CNBD1: variants seen among roughly 807,000 people sequenced by gnomAD.
The protein encoded by CNBD1 is cyclic nucleotide-binding domain-containing protein 1.
A neutral mutation model predicts 54.4 loss-of-function variants in CNBD1; 71 were observed. The ratio of observed to expected loss-of-function variants is 1.30; its 90% CI spans 1.08 to 1.59. The LOEUF (loss-of-function observed/expected upper bound fraction) is 1.59, where lower values mean the gene tolerates loss of function less well. Ranked by LOEUF, CNBD1 falls within the 40% of genes most tolerant of loss-of-function variation. CNBD1 has a pLI of 0.00. For missense variants in CNBD1, 659 were observed against 518.0 expected (o/e 1.27, Z -2.64); for synonymous variants, 182 against 170.7 (o/e 1.07, Z -0.51).
chr8:87,046,876 C>T lies in CNBD1; in HGVS notation c.431+107122C>T, dbSNP rs1810205201. On this transcript the variant is annotated intron_variant, in intron 4 of 10. Transcript: ENST00000518476. Reference sequence around the variant, plus strand: ...TCGCCCACTAGTGTGTAGGTTATTACTAGTATCAAATATCTTACAGGGGTC... The same window carrying T: ...TCGCCCACTAGTGTGTAGGTTATTATTAGTATCAAATATCTTACAGGGGTC... Among the ~76,000 whole-genome samples the T allele has an allele frequency of 2.0e-5, 3 of 152,106 alleles. No homozygotes were observed. In the South Asian group the frequency reaches 6.2e-4, roughly 32 times the overall value.
chr8:87,329,283 A>G (rs879547583), intron 8 of CNBD1, among the ~76,000 whole-genome samples: 9 of 152,110 alleles, frequency 5.9e-5, no homozygotes, highest in Non-Finnish European at 7.4e-5. Context: ...CTTTTTGTTA[A>G]TATCACATTG....
At chr8:87,143,400 A>G (rs1431756) in intron 4 of CNBD1, among the ~76,000 whole-genome samples, 83,931 of 151,944 alleles carry the variant, frequency 0.55, 24,595 homozygotes, top group African/African-American at 0.76. Flanking sequence ...AGTTCACTCA[A>G]GTCCCCTCAA....
At chr8:87,194,914 C>T (rs1339500303) in intron 4 of CNBD1, among the ~76,000 whole-genome samples, 6 of 151,878 alleles carry the variant, frequency 4.0e-5, no homozygotes, top group Non-Finnish European at 7.4e-5. Context: ...GACAGAGTCT[C>T]GCCCTGTCAT....
At chr8:86,943,580 TG>T (rs978857386) in intron 4 of CNBD1, among the ~76,000 whole-genome samples, 3 of 151,940 alleles carry the variant, frequency 2.0e-5, no homozygotes, top group African/African-American at 7.3e-5. Context: ...ATTAAAATCA[TG>T]GGGGTGGTGC....
At chr8:87,385,890 A>T (rs1048535795), downstream of CNBD1, among the ~76,000 whole-genome samples, 1 of 152,174 alleles carries the variant, frequency 6.6e-6, no homozygotes, top group Non-Finnish European at 1.5e-5. Flanking sequence ...CTGACAACTC[A>T]CATGGCCGGG....
At chr8:87,339,221 T>C (rs754276924) in intron 8 of CNBD1, among the ~76,000 whole-genome samples, 1 of 152,218 alleles carries the variant, frequency 6.6e-6, no homozygotes, top group East Asian at 1.9e-4. Context: ...TACTATCTGA[T>C]ACTTACTATA....
At chr8:86,998,211 T>TTTTTTTTTTTTAATATATATTGCTGA (rs1808918302) in intron 4 of CNBD1, among the ~76,000 whole-genome samples, 1 of 140,900 alleles carries the variant, frequency 7.1e-6, no homozygotes. Context: ...GTGTTTCTGT[T>TTTTTTTTTTTTAATATATATTGCTGA]TTTTTTTTTT....
chr8:87,304,354 G>A (rs1318415453), intron 8 of CNBD1, among the ~76,000 whole-genome samples: 1 of 152,082 alleles, frequency 6.6e-6, no homozygotes, highest in Non-Finnish European at 1.5e-5. Flanking sequence ...GATGAAGCTG[G>A]AAACCATCAT....
intron 5 of CNBD1, among the ~76,000 whole-genome samples, chr8:87,212,566 T>C (rs1211543582): frequency 2.0e-5 from 3 of 152,164 alleles, no homozygotes; most frequent in African/African-American, 7.2e-5. Context: ...TGATGGTCTA[T>C]TGGTTTTAGA....
intron 3 of CNBD1, among the ~76,000 whole-genome samples, chr8:86,908,799 T>C (rs866514226): frequency 1.3e-3 from 6 of 4,744 alleles, no homozygotes; most frequent in Non-Finnish European, 1.7e-3. Flanking sequence ...TTTTTTTTTT[T>C]TTGTGCTGAG....
At chr8:87,414,978 T>A (rs905893832) in intron 2 of CNBD1, among the ~76,000 whole-genome samples, 2 of 152,046 alleles carry the variant, frequency 1.3e-5, no homozygotes, top group African/African-American at 2.4e-5. Context: ...GGTGGCTGGA[T>A]GCTGCAGATA....
At chr8:87,246,966 C>T (rs117300861) in intron 6 of CNBD1, among the ~76,000 whole-genome samples, 3,649 of 152,140 alleles carry the variant, frequency 0.024, 71 homozygotes, top group Non-Finnish European at 0.035. Flanking sequence ...CTGGGGGCAA[C>T]TGGAGACAGT....
At chr8:87,285,554 T>C (rs577733826) in intron 7 of CNBD1, among the ~76,000 whole-genome samples, 1 of 152,068 alleles carries the variant, frequency 6.6e-6, no homozygotes, top group African/African-American at 2.4e-5. Flanking sequence ...CTGACCAACA[T>C]GGAGAAACCC....
chr8:87,303,830 T>C (rs1258371731), intron 8 of CNBD1, among the ~76,000 whole-genome samples: 2 of 151,826 alleles, frequency 1.3e-5, no homozygotes, highest in Non-Finnish European at 2.9e-5. Flanking sequence ...GGGCGAAGGA[T>C]ATGAACAGAC....
intron 4 of CNBD1, among the ~76,000 whole-genome samples, chr8:87,077,630 G>T (rs1178681420): frequency 3.6e-5 from 5 of 138,650 alleles, no homozygotes; most frequent in African/African-American, 1.1e-4. Flanking sequence ...AAGTGTTCTT[G>T]TTGTTCAATT....
At chr8:87,190,028 C>A (rs1202126009) in intron 4 of CNBD1, among the ~76,000 whole-genome samples, 1 of 152,144 alleles carries the variant, frequency 6.6e-6, no homozygotes, top group African/African-American at 2.4e-5. Flanking sequence ...TAAATAATTT[C>A]ATAACAGCCA....
At chr8:86,924,255 A>G (rs1420640346) in intron 3 of CNBD1, among the ~76,000 whole-genome samples, 1 of 152,098 alleles carries the variant, frequency 6.6e-6, no homozygotes, top group Non-Finnish European at 1.5e-5. Context: ...GTGACCATAT[A>G]CCTGAATGGC....
chr8:87,384,985 T>C (rs1811153742), downstream of CNBD1, among the ~76,000 whole-genome samples: 1 of 152,132 alleles, frequency 6.6e-6, no homozygotes. Context: ...TAATTCTGAA[T>C]GAAACAGAAA....
chr8:87,308,586 G>A (rs774853744), intron 8 of CNBD1, among the ~76,000 whole-genome samples: 4 of 151,966 alleles, frequency 2.6e-5, no homozygotes, highest in African/African-American at 9.7e-5. Flanking sequence ...TTATTTCTTT[G>A]TGTTAGAAAC....
Sources: allele counts gnomAD v4.1 joint callset (sites outside exome capture counted in the v4.1 genomes callset), GRCh38; gene constraint gnomAD v4.1.1; transcripts MANE v1.5; gene names NCBI Gene and HGNC (gene_info 2026-07-23, HGNC 2026-07-21).